SCHIP1: variants seen among roughly 807,000 people sequenced by gnomAD.
SCHIP1 encodes schwannomin-interacting protein 1.
Under a neutral mutation model 29.7 loss-of-function variants are expected in SCHIP1, and 8 were observed. That is an observed-to-expected ratio of 0.27 (90% CI 0.16 to 0.49). The LOEUF (loss-of-function observed/expected upper bound fraction) is 0.49, where lower values mean the gene tolerates loss of function less well. Among genes scored for constraint, SCHIP1 ranks in the 20% least tolerant of loss-of-function variants. SCHIP1 has a pLI of 0.99. For synonymous variants in SCHIP1, 76 were observed against 94.9 expected (o/e 0.80, Z 1.16); for missense variants, 193 against 294.6 (o/e 0.66, Z 2.52).
the SCHIP1 span, among the ~76,000 whole-genome samples, chr3:159,298,278 C>G: frequency 1.2e-3 from 178 of 152,280 alleles, no homozygotes; most frequent in African/African-American, 4.2e-3. Flanking sequence ...TGCCTTTGCT[C>G]ACCTTACCAC....
At chr3:159,831,065 C>A in the SCHIP1 span, among the ~76,000 whole-genome samples, 1 of 152,216 alleles carries the variant, frequency 6.6e-6, no homozygotes, top group African/African-American at 2.4e-5. Flanking sequence ...TTGTAAGAGA[C>A]AGAGCCAATT....
chr3:159,289,518 G>A, the SCHIP1 span, among the ~76,000 whole-genome samples: 6 of 152,086 alleles, frequency 3.9e-5, no homozygotes, highest in Non-Finnish European at 8.8e-5. Context: ...CTCATGATTT[G>A]AGTATTAAGT....
chr3:159,385,318 G>A, the SCHIP1 span, among the ~76,000 whole-genome samples: 1 of 152,168 alleles, frequency 6.6e-6, no homozygotes, highest in African/African-American at 2.4e-5. Flanking sequence ...AGCACTTTGG[G>A]AGGCTGAGTT....
chr3:159,554,703 C>T, the SCHIP1 span, among the ~76,000 whole-genome samples: 2,080 of 152,104 alleles, frequency 0.014, 53 homozygotes, highest in African/African-American at 0.047. Context: ...GCTTTGATGC[C>T]CCTTCTTTCC....
At chr3:159,571,196 G>A in the SCHIP1 span, among the ~76,000 whole-genome samples, 1 of 152,100 alleles carries the variant, frequency 6.6e-6, no homozygotes, top group Non-Finnish European at 1.5e-5. Flanking sequence ...GGTGAGAGAG[G>A]GCATCCTTGT....
chr3:159,626,291 GA>G, the SCHIP1 span, among the ~76,000 whole-genome samples: 2 of 142,400 alleles, frequency 1.4e-5, no homozygotes, highest in Non-Finnish European at 3.0e-5. Flanking sequence ...TAGATAGATA[GA>G]TAGATAGATT....
At chr3:159,515,490 ATT>A in the SCHIP1 span, among the ~76,000 whole-genome samples, 1 of 152,210 alleles carries the variant, frequency 6.6e-6, no homozygotes, top group East Asian at 1.9e-4. Context: ...AAATTATTTA[ATT>A]TCTTGATTTC....
At chr3:159,683,212 G>A in the SCHIP1 span, among the ~76,000 whole-genome samples, 11 of 151,878 alleles carry the variant, frequency 7.2e-5, no homozygotes, top group Non-Finnish European at 1.5e-4. Flanking sequence ...CACCAGGCCC[G>A]ACTCATTTTT....
the SCHIP1 span, among the ~76,000 whole-genome samples, chr3:159,500,025 G>A: frequency 6.6e-6 from 1 of 151,722 alleles, no homozygotes; most frequent in Admixed American, 6.6e-5. Flanking sequence ...GAAGGAAAGC[G>A]ACTTGCCAAG....
At chr3:159,394,828 A>T in the SCHIP1 span, among the ~76,000 whole-genome samples, 1 of 152,168 alleles carries the variant, frequency 6.6e-6, no homozygotes, top group African/African-American at 2.4e-5. Flanking sequence ...TGCTGGCCTC[A>T]TAAAATGAGT....
the SCHIP1 span, among the ~76,000 whole-genome samples, chr3:159,296,854 T>C: frequency 1.3e-5 from 2 of 152,214 alleles, no homozygotes; most frequent in Non-Finnish European, 2.9e-5. Context: ...TACTATGCTG[T>C]ACATTAGATA....
At chr3:159,389,946 G>A in the SCHIP1 span, among the ~76,000 whole-genome samples, 1 of 151,846 alleles carries the variant, frequency 6.6e-6, no homozygotes, top group East Asian at 1.9e-4. Flanking sequence ...AAATACAATC[G>A]ACTTGGGCCT....
At chr3:159,800,549 G>A in the SCHIP1 span, among the ~76,000 whole-genome samples, 1 of 152,204 alleles carries the variant, frequency 6.6e-6, no homozygotes, top group Non-Finnish European at 1.5e-5. Flanking sequence ...TGGGTCTGAG[G>A]AACAGTGACC....
the SCHIP1 span, among the ~76,000 whole-genome samples, chr3:159,392,882 C>T: frequency 2.3e-3 from 350 of 152,286 alleles, 1 homozygote; most frequent in African/African-American, 7.8e-3. Flanking sequence ...CCTGAGGAAT[C>T]GCCACACTGA....
At chr3:159,543,206 T>A in the SCHIP1 span, among the ~76,000 whole-genome samples, 1 of 151,398 alleles carries the variant, frequency 6.6e-6, no homozygotes. Context: ...TTGTTTTGTT[T>A]TTTTATTTTA....
At chr3:159,366,446 C>A in the SCHIP1 span, among the ~76,000 whole-genome samples, 15 of 152,300 alleles carry the variant, frequency 9.8e-5, no homozygotes, top group African/African-American at 3.6e-4. Flanking sequence ...TCAAGCAAAC[C>A]TGGGTTCAAA....
the SCHIP1 span, among the ~76,000 whole-genome samples, chr3:159,488,672 A>G: frequency 2.6e-5 from 4 of 152,294 alleles, no homozygotes; most frequent in East Asian, 5.8e-4. Context: ...GAGCAGCCCC[A>G]TAAAAAAGTC....
chr3:159,613,741 C>T, the SCHIP1 span, among the ~76,000 whole-genome samples: 1 of 152,140 alleles, frequency 6.6e-6, no homozygotes, highest in African/African-American at 2.4e-5. Flanking sequence ...GCTAGTCCTC[C>T]CATTCCCAGG....
the SCHIP1 span, among the ~76,000 whole-genome samples, chr3:159,774,503 C>T: frequency 1.3e-5 from 2 of 152,156 alleles, no homozygotes. Flanking sequence ...TATACTTAAT[C>T]TAATTTTTTC....
Sources: gnomAD v4.1 joint callset for allele counts (sites outside exome capture counted in the v4.1 genomes callset) on GRCh38, gnomAD v4.1.1 for gene constraint, MANE v1.5 for transcripts, NCBI Gene and HGNC (gene_info 2026-07-23, HGNC 2026-07-21) for gene names.